IGF2BP1: variants seen among roughly 807,000 people sequenced by gnomAD.
IGF2BP1 encodes the protein insulin like growth factor 2 mRNA binding protein 1, also known as insulin-like growth factor 2 mRNA-binding protein 1.
Under a neutral mutation model 74.9 loss-of-function variants are expected in IGF2BP1, and 11 were observed. The observed-to-expected ratio is 0.15, with a 90% confidence interval of 0.09 to 0.24. IGF2BP1 has a LOEUF of 0.24. Among genes scored for constraint, IGF2BP1 ranks in the 10% least tolerant of loss-of-function variants. The pLI, the probability that IGF2BP1 is intolerant of heterozygous loss-of-function variation, is 1.00. For synonymous variants in IGF2BP1, 287 were observed against 281.8 expected, an observed-to-expected ratio of 1.02 and a Z score of -0.18; for missense variants, 440 against 757.4, an observed-to-expected ratio of 0.58 and a Z score of 4.92.
rs2041842617 is a variant in IGF2BP1, at chr17:49,025,601, T to C, written c.237-17T>C. 1 of 1,611,168 alleles carries C rather than the reference T, an allele frequency of 6.2e-7. No homozygotes were observed. The highest frequency in any genetic ancestry group is 1.8e-4 in the Middle Eastern group (1 of 5,530). The stretch of plus-strand genomic sequence containing the variant: ...TATTCAGAGCTTTCTTTAACTCTGC[T>C]CCCCCTTTACTTTCAGGAGCCGGAA... On this transcript the variant is annotated splice_polypyrimidine_tract_variant and intron_variant, in intron 2 of 14. Transcript: ENST00000290341.
At chr17:49,003,528 G>A (rs1437141338) in intron 2 of IGF2BP1, among the ~76,000 whole-genome samples, 1 of 152,042 alleles carries the variant, frequency 6.6e-6, no homozygotes, top group African/African-American at 2.4e-5. Flanking sequence ...GTGGTGATGG[G>A]GTTGTTAGAA....
chr17:49,014,669 C>G, intron 2 of IGF2BP1: 1 of 608,062 alleles, frequency 1.6e-6, no homozygotes, highest in Non-Finnish European at 2.1e-6. Flanking sequence ...TCATGGTTGG[C>G]AGCTAGGGGG....
At position 49,050,085 on chromosome 17, in the gene IGF2BP1, G is replaced by A. The variant is rs1483131245; in HGVS notation, c.*641G>A. On this transcript the variant is annotated 3_prime_UTR_variant, in exon 15 of 15. Coordinates refer to ENST00000290341, the MANE Select transcript of IGF2BP1 (RefSeq NM_006546.4). ...ACGGAATGAAGAAGAGGGGAAAATGGGGAGAAAGATGGTTAAAATACATAA... is the reference window on the plus strand; with the variant it reads ...ACGGAATGAAGAAGAGGGGAAAATGAGGAGAAAGATGGTTAAAATACATAA... 1 of 152,608 alleles carries A rather than the reference G, an allele frequency of 6.6e-6. No homozygotes were observed. Among genetic ancestry groups the A allele is most frequent in the Non-Finnish European group, 1.5e-5 (1 of 68,060 alleles). 9.5% of individuals were successfully genotyped at this position (152,608 alleles called of 1,614,324 possible). A position where few individuals can be genotyped will look rare whatever the true frequency, so the allele number is the denominator to read the frequency against.
intron 6 of IGF2BP1, among the ~76,000 whole-genome samples, chr17:49,039,534 T>C (rs1364158361): frequency 6.6e-6 from 1 of 151,896 alleles, no homozygotes; most frequent in African/African-American, 2.4e-5. Context: ...AAGCAATTCT[T>C]GTGCCTCAGC....
In IGF2BP1 at chr17:49,049,606, C is replaced by T; in HGVS notation, c.*162C>T. ...TGAGAAAGATGTTCCAGTGAGGAAC[C>T]CTGATCTCTCAGCCCCAAACACCCA... On this transcript the variant is annotated 3_prime_UTR_variant, in exon 15 of 15. Coordinates refer to ENST00000290341, the MANE Select transcript of IGF2BP1 (RefSeq NM_006546.4). 6.6e-6 allele frequency: 4 copies of T among 608,286 alleles called. No homozygotes were observed. The highest frequency in any genetic ancestry group is 1.2e-5 in the Non-Finnish European group (4 of 343,592). 37.7% of individuals were successfully genotyped at this position (608,286 alleles called of 1,614,324 possible). A position where few individuals can be genotyped will look rare whatever the true frequency, so the allele number is the denominator to read the frequency against.
chr17:49,026,611 CCCTT>C lies in IGF2BP1; in HGVS notation c.337+114_337+117del, dbSNP rs745311533. On this transcript the variant is annotated intron_variant, in intron 4 of 14. Coordinates refer to ENST00000290341, the MANE Select transcript of IGF2BP1 (RefSeq NM_006546.4). ...CTTCACTTTGTTTCTTTCTTTTTCT[CCCTT>C]CCTTCCTTCCTTCCTTCCTGCCTTC... The C allele has an allele frequency of 1.2e-3, 1,263 of 1,023,002 alleles. 6 individuals are homozygous for C. The highest frequency in any genetic ancestry group is 0.011 in the African/African-American group (641 of 59,948). The allele number at this position is 1,023,002 out of a possible 1,614,324, so 63.4% of individuals were successfully genotyped here. A position where few individuals can be genotyped will look rare whatever the true frequency, so the allele number is the denominator to read the frequency against.
Position 49,011,152 on chromosome 17 carries a change from AAAAAAAAAAAAAAAAC to A in IGF2BP1, c.236+11987_236+12002del, listed in dbSNP as rs1457123070. On this transcript the variant is annotated intron_variant, in intron 2 of 14. Transcript: ENST00000290341. Reference sequence around the variant, plus strand: ...GACTCTGTCTCAAAAAAAAAAAAAAAAAAAAAAAAAAAAAACAAACCCTAAAAAAACAAAAACAGCT... The same window carrying A: ...GACTCTGTCTCAAAAAAAAAAAAAAAAAACCCTAAAAAAACAAAAACAGCT... Among the ~76,000 whole-genome samples the A allele has an allele frequency of 1.5e-3, 223 of 150,178 alleles. 2 individuals carry two copies. The highest frequency in any genetic ancestry group is 5.2e-3 in the African/African-American group (211 of 40,828).
intron 2 of IGF2BP1, among the ~76,000 whole-genome samples, chr17:49,010,238 G>GTAGTAGTGC (rs1555595776): frequency 6.4e-4 from 97 of 151,394 alleles, no homozygotes; most frequent in African/African-American, 2.2e-3. Context: ...TTTCCAGTAA[G>GTAGTAGTGC]TAGTAGTGCT....
At chr17:49,019,955 T>TATAC (rs2041767170) in intron 2 of IGF2BP1, among the ~76,000 whole-genome samples, 1 of 78,466 alleles carries the variant, frequency 1.3e-5, no homozygotes, top group Non-Finnish European at 2.3e-5. Context: ...TATATTTATA[T>TATAC]ACACACACAC....
At chr17:49,038,752 C>G (rs1213080926) in intron 6 of IGF2BP1, among the ~76,000 whole-genome samples, 2 of 152,142 alleles carry the variant, frequency 1.3e-5, no homozygotes, top group Admixed American at 1.3e-4. Flanking sequence ...GAGTCAGCAA[C>G]TCAGTGCTCT....
intron 2 of IGF2BP1, among the ~76,000 whole-genome samples, chr17:49,019,545 C>T (rs1337059580): frequency 6.6e-6 from 1 of 151,906 alleles, no homozygotes. Flanking sequence ...GTGTACCATC[C>T]ATCACTTAGC....
chr17:49,042,180 T>G lies in IGF2BP1; in HGVS notation c.942-62T>G, dbSNP rs944705133. 6.5e-5 allele frequency: 105 copies of G among 1,606,440 alleles called. No individual in the cohort carries two copies. In the African/African-American group the frequency reaches 9.7e-4, roughly 15 times the overall value. ...TGACTCAGCTGGCCTCTCGTCTTTG[T>G]TACTGCCGGGGCCTGGTCCTGGCCT... On this transcript the variant is annotated intron_variant, in intron 8 of 14. Transcript: ENST00000290341.
Position 49,044,129 on chromosome 17 carries a change from G to A in IGF2BP1, c.1320+43G>A, listed in dbSNP as rs139740939. ...TCTTCCTGTTTCTGGAAAGGGAGGG[G>A]TCTCTGCTTTTATCACTCTGCACTT... On this transcript the variant is annotated intron_variant, in intron 11 of 14. Transcript: ENST00000290341. 463 of 1,606,034 alleles carry A rather than the reference G, an allele frequency of 2.9e-4. 2 individuals carry two copies. The Middle Eastern group carries it at 8.2e-3, about 28-fold the overall frequency.
intron 4 of IGF2BP1, among the ~76,000 whole-genome samples, chr17:49,029,022 G>C (rs920046239): frequency 6.6e-6 from 1 of 152,114 alleles, no homozygotes; most frequent in Non-Finnish European, 1.5e-5. Flanking sequence ...GGCCAGGCTG[G>C]TCTCGAACTC....
chr17:49,033,559 T>G (rs566823459), intron 5 of IGF2BP1, among the ~76,000 whole-genome samples: 3 of 151,998 alleles, frequency 2.0e-5, no homozygotes, highest in Non-Finnish European at 2.9e-5. Flanking sequence ...GCCAGGATGG[T>G]CTCGAACTCC....
At chr17:49,044,589 C>G (rs2042089515) in intron 11 of IGF2BP1, among the ~76,000 whole-genome samples, 1 of 152,246 alleles carries the variant, frequency 6.6e-6, no homozygotes, top group Non-Finnish European at 1.5e-5. Flanking sequence ...AAACCTAAAT[C>G]CGGTTGCTTT....
intron 2 of IGF2BP1, among the ~76,000 whole-genome samples, chr17:49,006,415 T>C (rs1251316776): frequency 6.6e-6 from 1 of 152,204 alleles, no homozygotes; most frequent in Admixed American, 6.5e-5. Context: ...ATTCAGTGTT[T>C]AAAAGCTTGA....
In IGF2BP1 at chr17:49,051,461, T is replaced by C. The variant is rs1033393110; in HGVS notation, c.*2017T>C. On this transcript the variant is annotated 3_prime_UTR_variant, in exon 15 of 15. Coordinates refer to ENST00000290341, the MANE Select transcript of IGF2BP1 (RefSeq NM_006546.4). ...TTGTTTGGCCCTGATCTCTGACTTC[T>C]AGAGCCCCAGCTGCTGGCGGCTGCT... 7 of 152,678 alleles carry C rather than the reference T, an allele frequency of 4.6e-5. No homozygotes were observed. In the East Asian group the frequency reaches 1.3e-3, roughly 29 times the overall value. The allele number at this position is 152,678 out of a possible 1,614,324, so 9.5% of individuals were successfully genotyped here. A position where few individuals can be genotyped will look rare whatever the true frequency, so the allele number is the denominator to read the frequency against.
In IGF2BP1 at chr17:49,055,458, C is replaced by A. The variant is rs1228233205; in HGVS notation, c.*6014C>A. On this transcript the variant is annotated 3_prime_UTR_variant, in exon 15 of 15. Transcript: ENST00000290341. ...GTCCCCCCTCCCCTGCCAATAAGCT[C>A]CCCCAGGAATAAAGGCTTTGTTTTG... 10 of 376,926 alleles carry A rather than the reference C, an allele frequency of 2.7e-5. No individual in the cohort carries two copies. Among genetic ancestry groups the A allele is most frequent in the Non-Finnish European group, 3.8e-5 (8 of 213,194 alleles). The allele number at this position is 376,926 out of a possible 1,614,324, so 23.3% of individuals were successfully genotyped here.
Sources: allele counts gnomAD v4.1 joint callset (sites outside exome capture counted in the v4.1 genomes callset), GRCh38; gene constraint gnomAD v4.1.1; transcripts MANE v1.5; gene names NCBI Gene and HGNC (gene_info 2026-07-23, HGNC 2026-07-21).